The following MATCAP2 variants were observed in gnomAD, a reference collection of about 807,000 sequenced individuals.
The protein encoded by MATCAP2 is microtubule associated tyrosine carboxypeptidase 2.
chr7:36,358,154 C>T, the MATCAP2 span, among the ~76,000 whole-genome samples: 1 of 151,526 alleles, frequency 6.6e-6, no homozygotes, highest in Non-Finnish European at 1.5e-5. Flanking sequence ...GCTGAGATCG[C>T]ACCACTGCAC....
the MATCAP2 span, chr7:36,355,505 A>G: frequency 6.6e-6 from 1 of 152,250 alleles, no homozygotes; most frequent in Non-Finnish European, 1.5e-5. Context: ...CAGAAGCAGA[A>G]GCAAAGAGAC....
chr7:36,378,250 G>A, the MATCAP2 span, among the ~76,000 whole-genome samples: 1 of 152,142 alleles, frequency 6.6e-6, no homozygotes, highest in Non-Finnish European at 1.5e-5. Flanking sequence ...ATCTACCTTT[G>A]GTCTTTGATT....
chr7:36,358,717 C>T, the MATCAP2 span, among the ~76,000 whole-genome samples: 1 of 152,152 alleles, frequency 6.6e-6, no homozygotes, highest in Non-Finnish European at 1.5e-5. Context: ...CAGCACATGG[C>T]TCTGATAAAC....
At chr7:36,341,645 G>A in the MATCAP2 span, among the ~76,000 whole-genome samples, 1 of 152,304 alleles carries the variant, frequency 6.6e-6, no homozygotes, top group East Asian at 1.9e-4. Context: ...GCTCATGCCT[G>A]TAATCCCAGC....
chr7:36,373,090 G>A, the MATCAP2 span, among the ~76,000 whole-genome samples: 5 of 127,402 alleles, frequency 3.9e-5, no homozygotes, highest in African/African-American at 1.5e-4. Context: ...GGGCAACAGA[G>A]CAAGACTTCA....
chr7:36,383,848 A>T, the MATCAP2 span: 1 of 1,579,414 alleles, frequency 6.3e-7, no homozygotes, highest in Admixed American at 1.7e-5. Flanking sequence ...GTGGCCCTTC[A>T]GCCAAATAAC....
chr7:36,340,163 T>A, the MATCAP2 span, among the ~76,000 whole-genome samples: 1 of 152,238 alleles, frequency 6.6e-6, no homozygotes, highest in Non-Finnish European at 1.5e-5. Context: ...CCACCGCGCT[T>A]GGCCTGCTTA....
chr7:36,359,907 T>A, the MATCAP2 span, among the ~76,000 whole-genome samples: 1 of 151,644 alleles, frequency 6.6e-6, no homozygotes, highest in Non-Finnish European at 1.5e-5. Flanking sequence ...GAGGTGATAA[T>A]GAAAAGAAAA....
At chr7:36,378,521 G>T in the MATCAP2 span, among the ~76,000 whole-genome samples, 6 of 152,222 alleles carry the variant, frequency 3.9e-5, no homozygotes, top group African/African-American at 7.2e-5. Context: ...ACCCCTACTG[G>T]GAGATGTCTC....
chr7:36,384,153 G>C, the MATCAP2 span, among the ~76,000 whole-genome samples: 3 of 152,008 alleles, frequency 2.0e-5, no homozygotes, highest in African/African-American at 7.2e-5. Context: ...GTGTTTTTCA[G>C]CCTTTTTATC....
the MATCAP2 span, among the ~76,000 whole-genome samples, chr7:36,354,958 T>C: frequency 1.3e-5 from 2 of 152,178 alleles, no homozygotes; most frequent in Admixed American, 6.5e-5. Flanking sequence ...TCAAAGAGCA[T>C]TCTTTTTCAT....
the MATCAP2 span, chr7:36,337,646 C>CTTATTATTA: frequency 8.6e-5 from 13 of 151,154 alleles, no homozygotes; most frequent in South Asian, 1.3e-3. Context: ...GTTTATTACT[C>CTTATTATTA]TTATTATTAT....
the MATCAP2 span, among the ~76,000 whole-genome samples, chr7:36,333,322 T>A: frequency 3.4e-4 from 51 of 152,222 alleles, no homozygotes; most frequent in South Asian, 9.5e-3. Flanking sequence ...AATCTAGAGA[T>A]GAAAAGAACA....
chr7:36,334,274 T>G, the MATCAP2 span: 7 of 859,416 alleles, frequency 8.1e-6, no homozygotes, highest in Non-Finnish European at 1.3e-5. Flanking sequence ...CGGTGGCTCA[T>G]GCCTGTAATC....
the MATCAP2 span, chr7:36,390,142 G>A: frequency 6.3e-7 from 1 of 1,594,136 alleles, no homozygotes; most frequent in Non-Finnish European, 8.6e-7. Flanking sequence ...ACCGGGCGGA[G>A]GGCGCGTGTG....
the MATCAP2 span, among the ~76,000 whole-genome samples, chr7:36,378,018 G>A: frequency 6.6e-6 from 1 of 152,234 alleles, no homozygotes; most frequent in East Asian, 1.9e-4. Context: ...TTTTTTCAAG[G>A]TTTTTAGCTT....
At chr7:36,359,994 T>C in the MATCAP2 span, among the ~76,000 whole-genome samples, 2 of 152,214 alleles carry the variant, frequency 1.3e-5, no homozygotes, top group Non-Finnish European at 2.9e-5. Context: ...AAGGACTAGG[T>C]GTAGCCGGAA....
chr7:36,331,125 T>G, the MATCAP2 span: 76 of 1,174,094 alleles, frequency 6.5e-5, no homozygotes, highest in Non-Finnish European at 9.3e-5. Flanking sequence ...TCAGAAAAAT[T>G]ACTAAGTAGA....
At chr7:36,341,551 A>G in the MATCAP2 span, among the ~76,000 whole-genome samples, 1 of 152,168 alleles carries the variant, frequency 6.6e-6, no homozygotes, top group South Asian at 2.1e-4. Context: ...GGCCTTTGGA[A>G]AGTGATTAGG....
Sources: allele counts gnomAD v4.1 joint callset (sites outside exome capture counted in the v4.1 genomes callset), GRCh38; gene constraint gnomAD v4.1.1; transcripts MANE v1.5; gene names NCBI Gene and HGNC (gene_info 2026-07-23, HGNC 2026-07-21).